GALNT1: variants seen among roughly 807,000 people sequenced by gnomAD.
GALNT1 encodes the protein polypeptide N-acetylgalactosaminyltransferase 1, also known as GalNAc transferase 1.
In GALNT1, 17 loss-of-function variants were observed where a neutral mutation model predicts 65.7. That is an observed-to-expected ratio of 0.26 (90% CI 0.18 to 0.39). GALNT1 has a LOEUF of 0.39. Ranked by LOEUF, GALNT1 falls within the 10% of genes least tolerant of loss-of-function variation. The pLI, the probability that GALNT1 is intolerant of heterozygous loss-of-function variation, is 1.00. For synonymous variants in GALNT1, 210 were observed against 219.7 expected (o/e 0.96, Z 0.39); for missense variants, 460 against 672.8 (o/e 0.68, Z 3.50).
intron 7 of GALNT1, among the ~76,000 whole-genome samples, chr18:35,689,617 AAAACATAAATTTCACATTT>A (rs146711739): frequency 0.1 from 15,214 of 152,174 alleles, 853 homozygotes; most frequent in Admixed American, 0.17. Context: ...TTTACTCTCA[AAAACATAAATTTCACATTT>A]AAACATAAAT....
In GALNT1 at chr18:35,704,171, T is replaced by G. The variant is rs147436826; in HGVS notation, c.1533+528T>G. Among the ~76,000 whole-genome samples the G allele has an allele frequency of 4.5e-3, 693 of 152,340 alleles. 4 individuals are homozygous for G. Among genetic ancestry groups the G allele is most frequent in the Non-Finnish European group, 7.3e-3 (498 of 68,028 alleles). On this transcript the variant is annotated intron_variant, in intron 11 of 11. Transcript: ENST00000269195. ...ATTAAAGCATCCGTGGTAAACCTCT[T>G]TCCACCTATTTGCCTAATTTTTCAA... is the stretch of plus-strand genomic sequence containing the variant.
intron 5 of GALNT1, among the ~76,000 whole-genome samples, chr18:35,685,983 G>A (rs750080651): frequency 2.6e-5 from 4 of 152,210 alleles, no homozygotes; most frequent in East Asian, 1.9e-4. Context: ...CGGGAGGATC[G>A]CTTGAACTCA....
intron 7 of GALNT1, among the ~76,000 whole-genome samples, chr18:35,690,593 T>C (rs2144655446): frequency 6.6e-6 from 1 of 152,312 alleles, no homozygotes; most frequent in African/African-American, 2.4e-5. Flanking sequence ...TCCCATATCT[T>C]TTCTGTATTT....
At chr18:35,677,555 A>G in intron 3 of GALNT1, 36 bp from the exon 4 acceptor site, 1 of 1,561,000 alleles carries the variant, frequency 6.4e-7, no homozygotes, top group Non-Finnish European at 8.7e-7. Flanking sequence ...CAATCTTAAC[A>G]GTCACTTTTT....
rs112468504 is a variant in GALNT1, at chr18:35,673,993, A to G, written c.315-3598A>G. On this transcript the variant is annotated intron_variant, in intron 3 of 11. Coordinates refer to ENST00000269195, the MANE Select transcript of GALNT1 (RefSeq NM_020474.4). The stretch of plus-strand genomic sequence containing the variant: ...TTACTCCCAGTCTATTAACCTGCAT[A>G]GTATATTTCTCTACTGAATACTGTA... 6.4e-3 allele frequency among the ~76,000 whole-genome samples: 974 copies of G among 152,332 alleles called. 19 individuals carry two copies. The highest frequency in any genetic ancestry group is 0.022 in the African/African-American group (925 of 41,562).
intron 3 of GALNT1, among the ~76,000 whole-genome samples, chr18:35,664,678 T>C (rs2047520727): frequency 6.6e-6 from 1 of 152,226 alleles, no homozygotes; most frequent in South Asian, 2.1e-4. Flanking sequence ...TAGTTAGATG[T>C]CTAGTTGCTC....
At chr18:35,705,789 G>GGTAA (rs1447573610) in intron 11 of GALNT1, among the ~76,000 whole-genome samples, 2 of 152,192 alleles carry the variant, frequency 1.3e-5, no homozygotes, top group African/African-American at 4.8e-5. Context: ...TAAGTCTAGA[G>GGTAA]GTAAGTAAAT....
At chr18:35,689,014 A>G (rs781259000) in intron 6 of GALNT1, among the ~76,000 whole-genome samples, 159 bp from the exon 7 acceptor site, 1 of 152,216 alleles carries the variant, frequency 6.6e-6, no homozygotes. Context: ...AACACAGCAT[A>G]AAACACAGAA....
At position 35,654,631 on chromosome 18, in the gene GALNT1, ATT is replaced by A. The variant is rs2047355577; in HGVS notation, c.-28_-27del. The A allele has an allele frequency of 8.1e-7, 1 of 1,227,664 alleles. No homozygotes were observed. Among genetic ancestry groups the A allele is most frequent in the Non-Finnish European group, 1.1e-6 (1 of 951,080 alleles). 76.0% of individuals were successfully genotyped at this position (1,227,664 alleles called of 1,614,324 possible). On this transcript the variant is annotated 5_prime_UTR_variant, in exon 2 of 12. The change abolishes the stop of an existing upstream ORF in the 5' untranslated region. Transcript: ENST00000269195. Reference sequence around the variant, plus strand: ...GATCTTTGTATATTTATATATATATATTTTTAAATTTTGCATTTGACTTAAAG... The same window carrying A: ...GATCTTTGTATATTTATATATATATATTTAAATTTTGCATTTGACTTAAAG...
intron 1 of GALNT1, among the ~76,000 whole-genome samples, chr18:35,612,645 C>T (rs1464741076): frequency 6.6e-6 from 1 of 152,178 alleles, no homozygotes. Flanking sequence ...GCATGGATCA[C>T]CAGATGTCAG....
intron 11 of GALNT1, among the ~76,000 whole-genome samples, chr18:35,707,391 G>A (rs764401353): frequency 6.6e-6 from 1 of 152,180 alleles, no homozygotes; most frequent in African/African-American, 2.4e-5. Context: ...ATGGAGACTA[G>A]TTGGTGTTGC....
intron 1 of GALNT1, among the ~76,000 whole-genome samples, chr18:35,591,459 C>A (rs1234162420): frequency 6.6e-6 from 1 of 152,180 alleles, no homozygotes; most frequent in Non-Finnish European, 1.5e-5. Context: ...TTCATTTGCT[C>A]TTTATAACAA....
chr18:35,612,588 C>T (rs1055935753), intron 1 of GALNT1, among the ~76,000 whole-genome samples: 10 of 152,106 alleles, frequency 6.6e-5, no homozygotes, highest in African/African-American at 1.7e-4. Flanking sequence ...CTTTCTAGGC[C>T]GGGCGTGGTG....
At chr18:35,615,522 G>A (rs576312) in intron 1 of GALNT1, among the ~76,000 whole-genome samples, 54,676 of 152,008 alleles carry the variant, frequency 0.36, 10,479 homozygotes, top group Middle Eastern at 0.53. Context: ...GAAGCCAAAA[G>A]CACAATTGTT....
At chr18:35,655,163 G>A (rs1246172245) in intron 2 of GALNT1, among the ~76,000 whole-genome samples, 1 of 151,894 alleles carries the variant, frequency 6.6e-6, no homozygotes. Flanking sequence ...TGCATTATAA[G>A]GTATCAAAAG....
chr18:35,686,235 A>G (rs7228055), intron 5 of GALNT1, among the ~76,000 whole-genome samples: 33,442 of 150,446 alleles, frequency 0.22, 4,101 homozygotes, highest in African/African-American at 0.33. Context: ...TTGAGAGAGA[A>G]ATGGATAGGA....
intron 1 of GALNT1, among the ~76,000 whole-genome samples, chr18:35,588,588 T>C (rs574173405): frequency 1.3e-5 from 2 of 152,312 alleles, no homozygotes; most frequent in African/African-American, 4.8e-5. Context: ...TCTTTTGTTA[T>C]GATTCCACAT....
intron 1 of GALNT1, among the ~76,000 whole-genome samples, chr18:35,603,155 TTC>T (rs1782877926): frequency 1.3e-5 from 2 of 152,162 alleles, no homozygotes; most frequent in African/African-American, 4.8e-5. Flanking sequence ...GGGAGGGTTT[TTC>T]TCCTTACAAG....
intron 2 of GALNT1, among the ~76,000 whole-genome samples, chr18:35,655,089 T>A (rs1469990512): frequency 6.6e-6 from 1 of 152,108 alleles, no homozygotes; most frequent in African/African-American, 2.4e-5. Flanking sequence ...TATCTCATAG[T>A]TGGGATATCA....
Sources: allele counts gnomAD v4.1 joint callset (sites outside exome capture counted in the v4.1 genomes callset), GRCh38; gene constraint gnomAD v4.1.1; transcripts MANE v1.5; gene names NCBI Gene and HGNC (gene_info 2026-07-23, HGNC 2026-07-21).